QKI: variants seen among roughly 807,000 people sequenced by gnomAD.
QKI encodes the protein QKI, KH domain containing RNA binding.
QKI carries 10 observed loss-of-function variants against 39.0 expected under a neutral mutation model. The observed-to-expected ratio is 0.26, with a 90% confidence interval of 0.16 to 0.43. QKI has a LOEUF of 0.43. Among genes scored for constraint, QKI ranks in the 20% least tolerant of loss-of-function variants. The pLI, the probability that QKI is intolerant of heterozygous loss-of-function variation, is 1.00. For missense variants in QKI, 218 were observed against 428.0 expected (o/e 0.51, Z 4.33); for synonymous variants, 204 against 155.4 (o/e 1.31, Z -2.33).
At chr6:163,464,191 T>G (rs529247851) in intron 2 of QKI, among the ~76,000 whole-genome samples, 1 of 152,236 alleles carries the variant, frequency 6.6e-6, no homozygotes, top group Non-Finnish European at 1.5e-5. Context: ...AAATCTATGA[T>G]ATCTCGCGCA....
chr6:163,552,147 G>A (rs1384741391), intron 4 of QKI, among the ~76,000 whole-genome samples: 2 of 150,756 alleles, frequency 1.3e-5, no homozygotes. Flanking sequence ...AAAATCAGAA[G>A]GAAGATAAAA....
At chr6:163,453,131 C>T (rs1304318163) in intron 1 of QKI, among the ~76,000 whole-genome samples, 2 of 146,240 alleles carry the variant, frequency 1.4e-5, no homozygotes, top group African/African-American at 5.1e-5. Context: ...ATTTGTTTAT[C>T]TGGAAAATCA....
At chr6:163,561,205 C>G (rs1398222107) in intron 4 of QKI, among the ~76,000 whole-genome samples, 1 of 152,120 alleles carries the variant, frequency 6.6e-6, no homozygotes, top group African/African-American at 2.4e-5. Context: ...TACCTAAATT[C>G]TGTAATCAAA....
chr6:163,553,418 A>G (rs754377110), intron 4 of QKI, among the ~76,000 whole-genome samples: 3 of 151,916 alleles, frequency 2.0e-5, no homozygotes, highest in Non-Finnish European at 4.4e-5. Flanking sequence ...CCTATTTTTT[A>G]TCTTCTTTTG....
intron 1 of QKI, chr6:163,416,383 A>G (rs1787504168): frequency 6.1e-6 from 1 of 162,742 alleles, no homozygotes; most frequent in Admixed American, 6.0e-5. Flanking sequence ...AAAGACCACA[A>G]AAAAAGTCTG....
chr6:163,569,570 G>A (rs1783581137), intron 7 of QKI: 1 of 1,146,956 alleles, frequency 8.7e-7, no homozygotes, highest in Admixed American at 3.7e-5. Context: ...TGTGACAAAG[G>A]TTGATTAAGG....
At chr6:163,537,836 T>G (rs1781293656) in intron 4 of QKI, among the ~76,000 whole-genome samples, 1 of 152,194 alleles carries the variant, frequency 6.6e-6, no homozygotes, top group Non-Finnish European at 1.5e-5. Context: ...CTGGGGCCTC[T>G]CAAACCCATC....
rs1018169435 is a variant in QKI, at chr6:163,571,039, TAAG to T, written c.*333_*335del. ...AAGCGAACGGTAAGAAGGCCTCTCT[TAAG>T]AAGGGGAGACAGATGGTCCTTAACT... On this transcript the variant is annotated 3_prime_UTR_variant, in exon 8 of 8. Transcript: ENST00000361752. 21 of 204,832 alleles carry T rather than the reference TAAG, an allele frequency of 1.0e-4. No homozygotes were observed. Among genetic ancestry groups the T allele is most frequent in the African/African-American group, 4.6e-4 (20 of 43,342 alleles). The allele number at this position is 204,832 out of a possible 1,614,324, so 12.7% of individuals were successfully genotyped here.
intron 2 of QKI, among the ~76,000 whole-genome samples, chr6:163,472,580 T>C (rs536802832): frequency 3.5e-4 from 54 of 152,314 alleles, no homozygotes; most frequent in African/African-American, 1.3e-3. Context: ...CACCAGACTT[T>C]GCATTCTTTT....
At position 163,559,541 on chromosome 6, in the gene QKI, A is replaced by C. The variant is rs139532567; in HGVS notation, c.547-2441A>C. Among the ~76,000 whole-genome samples, 436 of 152,236 alleles carry C rather than the reference A, an allele frequency of 2.9e-3. 2 individuals are homozygous for C. The highest frequency in any genetic ancestry group is 9.7e-3 in the African/African-American group (404 of 41,546). ...TCTGTGTCTTTCTAAGATCATACTT[A>C]CTTTTTGTTCATCTTTGTACAAGTT... On this transcript the variant is annotated intron_variant, in intron 4 of 7. Coordinates refer to ENST00000361752, the MANE Select transcript of QKI (RefSeq NM_006775.3).
chr6:163,548,245 G>GTGTCTC (rs1456557056), intron 4 of QKI, among the ~76,000 whole-genome samples: 1 of 152,170 alleles, frequency 6.6e-6, no homozygotes, highest in Non-Finnish European at 1.5e-5. Context: ...TTTCATCTTA[G>GTGTCTC]TATCTCTCCC....
intron 1 of QKI, among the ~76,000 whole-genome samples, chr6:163,436,658 A>G (rs1407421530): frequency 6.6e-6 from 1 of 151,890 alleles, no homozygotes; most frequent in Non-Finnish European, 1.5e-5. Flanking sequence ...TACTAAAACT[A>G]CAAAAATTAG....
At chr6:163,432,462 T>C (rs1300035012) in intron 1 of QKI, among the ~76,000 whole-genome samples, 1 of 151,000 alleles carries the variant, frequency 6.6e-6, no homozygotes, top group Admixed American at 6.6e-5. Context: ...GGTGCTATCA[T>C]AGCTCACTGC....
chr6:163,485,427 C>T (rs962063136), intron 3 of QKI, among the ~76,000 whole-genome samples: 4 of 152,092 alleles, frequency 2.6e-5, no homozygotes, highest in African/African-American at 7.2e-5. Flanking sequence ...GTGTTTTGCA[C>T]GTAATTAGGT....
chr6:163,458,945 C>T (rs768243372), intron 2 of QKI, among the ~76,000 whole-genome samples: 1 of 152,106 alleles, frequency 6.6e-6, no homozygotes, highest in Non-Finnish European at 1.5e-5. Flanking sequence ...CTGGCTTATC[C>T]TCTTATTGGC....
intron 4 of QKI, among the ~76,000 whole-genome samples, chr6:163,547,117 A>T (rs1375774517): frequency 6.6e-6 from 1 of 152,196 alleles, no homozygotes; most frequent in Non-Finnish European, 1.5e-5. Flanking sequence ...ACAGTAATTT[A>T]TGAATTCTCC....
intron 7 of QKI, chr6:163,568,610 T>A: frequency 1.0e-6 from 1 of 976,986 alleles, no homozygotes; most frequent in Non-Finnish European, 1.2e-6. Flanking sequence ...TACTACTGTT[T>A]TCTCTATTTT....
intron 3 of QKI, among the ~76,000 whole-genome samples, chr6:163,514,802 C>T (rs1322893450): frequency 2.6e-5 from 4 of 152,094 alleles, no homozygotes; most frequent in African/African-American, 9.7e-5. Context: ...AACTCAACCA[C>T]TAGAAGAAAA....
At chr6:163,533,442 TA>T in intron 3 of QKI, among the ~76,000 whole-genome samples, 1 of 152,364 alleles carries the variant, frequency 6.6e-6, no homozygotes, top group African/African-American at 2.4e-5. Context: ...ATTTTATTTG[TA>T]AATAACCACA....
Sources: allele counts gnomAD v4.1 joint callset (sites outside exome capture counted in the v4.1 genomes callset), GRCh38; gene constraint gnomAD v4.1.1; transcripts MANE v1.5; gene names NCBI Gene and HGNC (gene_info 2026-07-23, HGNC 2026-07-21).